Variants in PELI1 observed in about 807,000 individuals in gnomAD.
PELI1 encodes E3 ubiquitin-protein ligase pellino homolog 1.
PELI1 carries 15 observed loss-of-function variants against 41.3 expected under a neutral mutation model. That is an observed-to-expected ratio of 0.36 (90% confidence interval 0.24 to 0.56). The LOEUF (loss-of-function observed/expected upper bound fraction) is 0.56, where lower values mean the gene tolerates loss of function less well. Among genes scored for constraint, PELI1 ranks in the 20% least tolerant of loss-of-function variants. The pLI, the probability that PELI1 is intolerant of heterozygous loss-of-function variation, is 0.82. For synonymous variants in PELI1, 178 were observed against 180.1 expected, an observed-to-expected ratio of 0.99 and a Z score of 0.09; for missense variants, 403 against 525.5, an observed-to-expected ratio of 0.77 and a Z score of 2.28.
chr2:64,117,282 A>G (rs142634009), intron 1 of PELI1, among the ~76,000 whole-genome samples: 7 of 152,176 alleles, frequency 4.6e-5, no homozygotes, highest in African/African-American at 1.7e-4. Flanking sequence ...ATTTTTCAGT[A>G]TCTTAAGAAA....
At chr2:64,096,001 ATAGACT>A (rs1680220511) in intron 6 of PELI1, 118 bp downstream of exon 6, 11 of 707,936 alleles carry the variant, frequency 1.6e-5, no homozygotes, top group Non-Finnish European at 2.6e-5. Flanking sequence ...TCAGTGTTTG[ATAGACT>A]TAGTATTCTG....
chr2:64,103,005 C>A (rs574112484), intron 3 of PELI1, among the ~76,000 whole-genome samples: 98 of 151,982 alleles, frequency 6.4e-4, no homozygotes, highest in African/African-American at 2.3e-3. Context: ...CCACGCTTGG[C>A]TAATTTTTTG....
At chr2:64,122,213 T>C (rs747775953) in intron 1 of PELI1, among the ~76,000 whole-genome samples, 11 of 151,926 alleles carry the variant, frequency 7.2e-5, no homozygotes, top group Admixed American at 1.3e-4. Context: ...GACTTTCCCC[T>C]ACTCTTCCAT....
Position 64,094,928 on chromosome 2 carries a change from G to A in PELI1, c.1031C>T (p.Pro344Leu). ...PMCRSVGPYV[P>L]LWLGCEAGFY... ...TCCAGCTTCACATCCAAGCCACAGA[G>A]GAACATAGGGACCAACAGACCTACA... Residue 344 changes from proline (P) to leucine (L), a missense_variant, in exon 7 of 7, where the codon CCT becomes CTT. Pro to Leu is a moderately conservative substitution (Grantham distance 98). Transcript: ENST00000358912. 6.2e-7 allele frequency: 1 copy of A among 1,610,996 alleles called. No homozygotes were observed.
At chr2:64,130,204 G>A (rs535821946) in intron 1 of PELI1, among the ~76,000 whole-genome samples, 1 of 152,142 alleles carries the variant, frequency 6.6e-6, no homozygotes, top group East Asian at 1.9e-4. Flanking sequence ...TTGAGATAAG[G>A]TCTGGCTGTA....
At chr2:64,099,860 T>C (rs907553212) in intron 4 of PELI1, among the ~76,000 whole-genome samples, 1 of 152,180 alleles carries the variant, frequency 6.6e-6, no homozygotes, top group Non-Finnish European at 1.5e-5. Flanking sequence ...AAGAGAAAAA[T>C]ACTTTTATTG....
chr2:64,095,457 A>C (rs1164355394), intron 6 of PELI1, among the ~76,000 whole-genome samples, 189 bp from the exon 7 acceptor site: 1 of 152,200 alleles, frequency 6.6e-6, no homozygotes, highest in Non-Finnish European at 1.5e-5. Context: ...TCAAACATTA[A>C]CATATTTCTT....
At chr2:64,116,045 A>T (rs1290216543) in intron 1 of PELI1, among the ~76,000 whole-genome samples, 1 of 152,168 alleles carries the variant, frequency 6.6e-6, no homozygotes, top group Non-Finnish European at 1.5e-5. Flanking sequence ...AGGGTGGAAA[A>T]TCAGGGTATT....
chr2:64,127,474 A>C (rs1482474422), intron 1 of PELI1, among the ~76,000 whole-genome samples: 1 of 152,220 alleles, frequency 6.6e-6, no homozygotes. Flanking sequence ...TTTTCAAACA[A>C]TGTTGAGTGA....
At chr2:64,126,145 T>C (rs1681375353) in intron 1 of PELI1, among the ~76,000 whole-genome samples, 1 of 152,106 alleles carries the variant, frequency 6.6e-6, no homozygotes, top group African/African-American at 2.4e-5. Flanking sequence ...GTTGGAGCAG[T>C]TCTTAAACCA....
In PELI1 at chr2:64,096,179, A is replaced by G; in HGVS notation, c.636T>C (p.Cys212=). The part of the protein sequence containing the change: ...KPGIWREISV[C]GNVFSLRETR... ...TTTCACGTAGGCTAAATACATTTCCACACACCGATATTTCTCTCCATATTC... is the reference window on the plus strand; with the variant it reads ...TTTCACGTAGGCTAAATACATTTCCGCACACCGATATTTCTCTCCATATTC... The change falls in exon 6 of 7, where the codon TGT becomes TGC. Residue 212 remains cysteine, a synonymous_variant. Transcript: ENST00000358912. 6.2e-7 allele frequency: 1 copy of G among 1,614,088 alleles called. No homozygotes were observed. The highest frequency in any genetic ancestry group is 8.5e-7 in the Non-Finnish European group (1 of 1,179,968).
intron 3 of PELI1, among the ~76,000 whole-genome samples, chr2:64,101,326 A>AT (rs1028437691): frequency 2.0e-5 from 3 of 150,956 alleles, no homozygotes; most frequent in African/African-American, 7.4e-5. Flanking sequence ...AAAGAAAAAA[A>AT]TTTAAAAAAA....
At chr2:64,136,136 C>T (rs1681708728) in intron 1 of PELI1, among the ~76,000 whole-genome samples, 1 of 151,974 alleles carries the variant, frequency 6.6e-6, no homozygotes, top group Non-Finnish European at 1.5e-5. Flanking sequence ...AAATAAGTTA[C>T]ACTTCAGTAT....
At chr2:64,104,176 C>A (rs977661160) in intron 3 of PELI1, among the ~76,000 whole-genome samples, 1 of 152,200 alleles carries the variant, frequency 6.6e-6, no homozygotes, top group Non-Finnish European at 1.5e-5. Flanking sequence ...TTGAGGTCTA[C>A]TTTGTGCAAG....
At chr2:64,096,038 G>A (rs1418667082) in intron 6 of PELI1, 87 bp downstream of exon 6, 2 of 917,286 alleles carry the variant, frequency 2.2e-6, no homozygotes, top group Non-Finnish European at 3.4e-6. Context: ...AGATTTAAGA[G>A]TTTTCTGGAA....
chr2:64,140,453 C>G (rs17028510), intron 1 of PELI1, among the ~76,000 whole-genome samples: 3,465 of 152,058 alleles, frequency 0.023, 111 homozygotes, highest in African/African-American at 0.077. Context: ...GTACAACATT[C>G]CGAAAAATTG....
At chr2:64,098,518 T>C (rs1680317266) in intron 4 of PELI1, among the ~76,000 whole-genome samples, 2 of 152,172 alleles carry the variant, frequency 1.3e-5, no homozygotes, top group East Asian at 3.8e-4. Flanking sequence ...CTGGCAAAAA[T>C]CCTACTTAAC....
intron 3 of PELI1, among the ~76,000 whole-genome samples, chr2:64,103,633 CAG>C (rs1176087131): frequency 1.3e-5 from 2 of 152,186 alleles, no homozygotes; most frequent in African/African-American, 4.8e-5. Context: ...CAAATAGTAA[CAG>C]AGGAGTCCTA....
chr2:64,116,138 G>A lies in PELI1; in HGVS notation c.-69-7759C>T, dbSNP rs545330093. Reference sequence around the variant, plus strand: ...TCCAGACAGTTTAGGAACAGACAGGGTCACGTGCTCCCTGATTGTGGAAGG... The same window carrying A: ...TCCAGACAGTTTAGGAACAGACAGGATCACGTGCTCCCTGATTGTGGAAGG... On this transcript the variant is annotated intron_variant, in intron 1 of 6. Transcript: ENST00000358912. Among the ~76,000 whole-genome samples the A allele has an allele frequency of 2.0e-5, 3 of 152,284 alleles. No homozygotes were observed. In the South Asian group the frequency reaches 6.2e-4, roughly 32 times the overall value.
Sources: gnomAD v4.1 joint callset for allele counts (sites outside exome capture counted in the v4.1 genomes callset) on GRCh38, gnomAD v4.1.1 for gene constraint, MANE v1.5 for transcripts, NCBI Gene and HGNC (gene_info 2026-07-23, HGNC 2026-07-21) for gene names.